PRKG1: variants seen among roughly 807,000 people sequenced by gnomAD.
PRKG1 encodes protein kinase cGMP-dependent 1.
A neutral mutation model predicts 88.1 loss-of-function variants in PRKG1; 35 were observed. That is an observed-to-expected ratio of 0.40 (90% CI 0.30 to 0.53). The LOEUF (loss-of-function observed/expected upper bound fraction) is 0.53. Ranked by LOEUF, PRKG1 falls within the 20% of genes least tolerant of loss-of-function variation. The pLI, the probability that PRKG1 is intolerant of heterozygous loss-of-function variation, is 0.59. For synonymous variants in PRKG1, 303 were observed against 292.5 expected, an observed-to-expected ratio of 1.04 and a Z score of -0.37; for missense variants, 540 against 839.8, an observed-to-expected ratio of 0.64 and a Z score of 4.41.
chr10:51,776,414 T>C (rs1034762690), intron 3 of PRKG1, among the ~76,000 whole-genome samples: 1 of 152,162 alleles, frequency 6.6e-6, no homozygotes, highest in Non-Finnish European at 1.5e-5. Flanking sequence ...GTTAGTGAGA[T>C]AGTAATGGGA....
chr10:51,792,352 T>A (rs148069564), intron 3 of PRKG1, among the ~76,000 whole-genome samples: 2,079 of 152,220 alleles, frequency 0.014, 22 homozygotes, highest in Admixed American at 0.024. Flanking sequence ...TTTTGCCTAA[T>A]ATACCTGACC....
chr10:51,837,586 G>A (rs1840163628), intron 4 of PRKG1, among the ~76,000 whole-genome samples: 1 of 152,044 alleles, frequency 6.6e-6, no homozygotes, highest in Non-Finnish European at 1.5e-5. Context: ...ATTGGGGTAA[G>A]GCCCATTGAT....
At chr10:51,515,371 A>G (rs760650608) in intron 3 of PRKG1, among the ~76,000 whole-genome samples, 2 of 152,176 alleles carry the variant, frequency 1.3e-5, no homozygotes, top group Non-Finnish European at 2.9e-5. Context: ...GATCAGCATA[A>G]ATGGGCAAAA....
chr10:51,100,664 C>T (rs1164967856), intron 1 of PRKG1, among the ~76,000 whole-genome samples: 3 of 152,112 alleles, frequency 2.0e-5, no homozygotes, highest in Admixed American at 1.3e-4. Context: ...TAAAGACTTA[C>T]AGGTAAGAAG....
At chr10:51,663,364 G>A (rs887394270) in intron 3 of PRKG1, among the ~76,000 whole-genome samples, 1 of 151,970 alleles carries the variant, frequency 6.6e-6, no homozygotes, top group Non-Finnish European at 1.5e-5. Flanking sequence ...TCATCTTATA[G>A]CTTATTCCTT....
At chr10:51,208,700 G>A (rs988600693) in intron 2 of PRKG1, among the ~76,000 whole-genome samples, 1 of 152,090 alleles carries the variant, frequency 6.6e-6, no homozygotes, top group African/African-American at 2.4e-5. Flanking sequence ...AGAAAATCAG[G>A]GAAGGTCCTG....
intron 2 of PRKG1, among the ~76,000 whole-genome samples, chr10:51,365,122 A>G (rs1842562794): frequency 6.6e-6 from 1 of 151,928 alleles, no homozygotes; most frequent in African/African-American, 2.4e-5. Context: ...GGGTGACAGA[A>G]TTAAGTCATA....
intron 7 of PRKG1, among the ~76,000 whole-genome samples, chr10:52,119,088 G>GA (rs1847756203): frequency 6.6e-6 from 1 of 151,894 alleles, no homozygotes; most frequent in Non-Finnish European, 1.5e-5. Context: ...GTATTATTAT[G>GA]AAAATCTACA....
intron 9 of PRKG1, among the ~76,000 whole-genome samples, chr10:52,185,622 A>G (rs7921595): frequency 0.24 from 36,004 of 152,072 alleles, 6,488 homozygotes; most frequent in African/African-American, 0.51. Flanking sequence ...TACCCTCTGT[A>G]CTGCCCCTAT....
At chr10:51,517,122 A>C (rs1337879720) in intron 3 of PRKG1, among the ~76,000 whole-genome samples, 1 of 152,222 alleles carries the variant, frequency 6.6e-6, no homozygotes, top group African/African-American at 2.4e-5. Flanking sequence ...CATGCAAAAG[A>C]ATGTAAGTTT....
At chr10:51,751,904 A>T (rs1299859183) in intron 3 of PRKG1, among the ~76,000 whole-genome samples, 1 of 152,162 alleles carries the variant, frequency 6.6e-6, no homozygotes, top group Non-Finnish European at 1.5e-5. Context: ...AAATATCTGA[A>T]TGGATGATAA....
intron 2 of PRKG1, among the ~76,000 whole-genome samples, chr10:51,189,855 A>C (rs1837586324): frequency 6.6e-6 from 1 of 151,974 alleles, no homozygotes; most frequent in Admixed American, 6.6e-5. Context: ...TTATTAGCTC[A>C]CGTCATCCAA....
intron 1 of PRKG1, among the ~76,000 whole-genome samples, chr10:51,119,399 G>T (rs1272929415): frequency 6.6e-6 from 1 of 151,750 alleles, no homozygotes. Context: ...TGATTATCTA[G>T]AATACATTAA....
In PRKG1 at chr10:51,035,844, T is replaced by C. The variant is rs186754960; in HGVS notation, c.266+44200T>C. 2.7e-4 allele frequency among the ~76,000 whole-genome samples: 41 copies of C among 152,316 alleles called. No individual in the cohort carries two copies. The East Asian group carries it at 7.7e-3, about 29-fold the overall frequency. The stretch of plus-strand genomic sequence containing the variant: ...ATAACCATTAACATTCTCTTATATG[T>C]CTTTCTACTGTTTATCCATGAGTAC... On this transcript the variant is annotated intron_variant, in intron 1 of 17. Transcript: ENST00000401604.
At chr10:51,234,429 A>AT (rs940276288) in intron 2 of PRKG1, among the ~76,000 whole-genome samples, 2 of 152,016 alleles carry the variant, frequency 1.3e-5, no homozygotes, top group African/African-American at 4.8e-5. Context: ...CTCCCTACAA[A>AT]TTTTTTTTAG....
chr10:51,059,894 C>T (rs941083845), intron 1 of PRKG1, among the ~76,000 whole-genome samples: 1 of 152,112 alleles, frequency 6.6e-6, no homozygotes, highest in African/African-American at 2.4e-5. Flanking sequence ...AGGTCTATCA[C>T]TTATTCTAAG....
At chr10:51,747,125 G>A (rs917393367) in intron 3 of PRKG1, among the ~76,000 whole-genome samples, 2 of 152,300 alleles carry the variant, frequency 1.3e-5, no homozygotes, top group African/African-American at 4.8e-5. Flanking sequence ...GAGTGGAGAG[G>A]AGAGGAAAGA....
At chr10:51,258,710 C>A (rs901009552) in intron 2 of PRKG1, among the ~76,000 whole-genome samples, 2 of 152,216 alleles carry the variant, frequency 1.3e-5, no homozygotes, top group East Asian at 3.9e-4. Context: ...GCTCTCAGGA[C>A]CATTACTGGC....
intron 2 of PRKG1, among the ~76,000 whole-genome samples, chr10:51,263,333 C>G (rs1839760689): frequency 6.6e-6 from 1 of 152,150 alleles, no homozygotes; most frequent in Non-Finnish European, 1.5e-5. Context: ...CAGTGACTTG[C>G]CTTTCCAGTT....
Sources: allele counts gnomAD v4.1 joint callset (sites outside exome capture counted in the v4.1 genomes callset), GRCh38; gene constraint gnomAD v4.1.1; transcripts MANE v1.5; gene names NCBI Gene and HGNC (gene_info 2026-07-23, HGNC 2026-07-21).